Variants in ADGRB3 observed in about 807,000 individuals in gnomAD.
The protein encoded by ADGRB3 is adhesion G protein-coupled receptor B3.
Under a neutral mutation model 193.4 loss-of-function variants are expected in ADGRB3, and 37 were observed. That is an observed-to-expected ratio of 0.19 (90% CI 0.15 to 0.25). The LOEUF (loss-of-function observed/expected upper bound fraction) is 0.25, where lower values mean the gene tolerates loss of function less well. ADGRB3 is among the 10% of genes least tolerant of loss of function. The pLI, the probability that ADGRB3 is intolerant of heterozygous loss-of-function variation, is 1.00. For missense variants in ADGRB3, 1,637 were observed against 1,852.9 expected (o/e 0.88, Z 2.14); for synonymous variants, 690 against 644.2 (o/e 1.07, Z -1.08).
At chr6:68,986,086 AAAGCTATTCC>A (rs1401109803) in intron 10 of ADGRB3, among the ~76,000 whole-genome samples, 2 of 152,170 alleles carry the variant, frequency 1.3e-5, no homozygotes, top group Non-Finnish European at 2.9e-5. Context: ...CTCTGAAATT[AAAGCTATTCC>A]TTGTTTATAT....
intron 17 of ADGRB3, among the ~76,000 whole-genome samples, chr6:69,195,993 C>T (rs1765287028): frequency 6.6e-6 from 1 of 152,096 alleles, no homozygotes; most frequent in Admixed American, 6.6e-5. Flanking sequence ...ACATAAATAT[C>T]ATATCTTAGA....
intron 20 of ADGRB3, among the ~76,000 whole-genome samples, chr6:69,296,844 C>T (rs1205943977): frequency 6.6e-6 from 1 of 152,086 alleles, no homozygotes; most frequent in Non-Finnish European, 1.5e-5. Flanking sequence ...GATCTCATGA[C>T]ATATCTCATT....
intron 3 of ADGRB3, among the ~76,000 whole-genome samples, chr6:68,737,844 C>T (rs1018451673): frequency 4.6e-5 from 7 of 152,108 alleles, no homozygotes; most frequent in African/African-American, 1.7e-4. Flanking sequence ...TACTTCAGGG[C>T]CTAAGAGCAC....
chr6:68,812,823 TAG>T (rs1767540676), intron 3 of ADGRB3, among the ~76,000 whole-genome samples: 9 of 135,076 alleles, frequency 6.7e-5, no homozygotes, highest in African/African-American at 2.5e-4. Context: ...ATCCCTCCCC[TAG>T]CCCCCCAACC....
At position 69,114,445 on chromosome 6, in the gene ADGRB3, C is replaced by A. The variant is rs372956953; in HGVS notation, c.2480+38407C>A. 3.2e-4 allele frequency among the ~76,000 whole-genome samples: 49 copies of A among 152,162 alleles called. 1 individual carries two copies. In the East Asian group the frequency reaches 7.7e-3, roughly 24 times the overall value. The stretch of plus-strand genomic sequence containing the variant: ...ATGGATAGATTGCAAAAATTTTCTC[C>A]CATTCTATAGGCTGCCTGTTCACTC... On this transcript the variant is annotated intron_variant, in intron 17 of 31. Coordinates refer to ENST00000370598, the MANE Select transcript of ADGRB3 (RefSeq NM_001704.3).
At position 69,015,672 on chromosome 6, in the gene ADGRB3, G is replaced by A. The variant is rs7776406; in HGVS notation, c.1998+1566G>A. On this transcript the variant is annotated intron_variant, in intron 12 of 31. Transcript: ENST00000370598. Reference sequence around the variant, plus strand: ...AAATGTAGAACAGACCTCTGTGTACGTTTGGAAAATGAGCTGAGTAAAATG... The same window carrying A: ...AAATGTAGAACAGACCTCTGTGTACATTTGGAAAATGAGCTGAGTAAAATG... Among the ~76,000 whole-genome samples, 501 of 152,014 alleles carry A rather than the reference G, an allele frequency of 3.3e-3. 2 individuals carry two copies. The highest frequency in any genetic ancestry group is 0.012 in the African/African-American group (482 of 41,506).
At chr6:69,199,522 A>T (rs1418631068) in intron 17 of ADGRB3, among the ~76,000 whole-genome samples, 3 of 152,112 alleles carry the variant, frequency 2.0e-5, no homozygotes, top group Admixed American at 6.6e-5. Context: ...ACTAAGAAAA[A>T]ATGTAATTTT....
chr6:69,036,805 G>A (rs550859833), intron 13 of ADGRB3, among the ~76,000 whole-genome samples: 12 of 152,272 alleles, frequency 7.9e-5, no homozygotes, highest in South Asian at 4.1e-4. Flanking sequence ...CCGCAGAGAC[G>A]TACAGAGCCA....
At chr6:69,005,187 A>G (rs1465708957) in intron 11 of ADGRB3, among the ~76,000 whole-genome samples, 1 of 151,592 alleles carries the variant, frequency 6.6e-6, no homozygotes. Flanking sequence ...AACTATTTTT[A>G]CCTTTCATTT....
chr6:69,089,815 A>G (rs1205939991), intron 17 of ADGRB3, among the ~76,000 whole-genome samples: 1 of 152,178 alleles, frequency 6.6e-6, no homozygotes, highest in Non-Finnish European at 1.5e-5. Context: ...GCTTCCACCC[A>G]CTGGATGCCA....
At chr6:69,252,623 G>A (rs1052400180) in intron 20 of ADGRB3, among the ~76,000 whole-genome samples, 1 of 151,836 alleles carries the variant, frequency 6.6e-6, no homozygotes, top group African/African-American at 2.4e-5. Flanking sequence ...ACCTTTTCAT[G>A]TCCTTATAGG....
At chr6:68,879,338 T>G (rs1765674585) in intron 3 of ADGRB3, among the ~76,000 whole-genome samples, 1 of 146,118 alleles carries the variant, frequency 6.8e-6, no homozygotes, top group South Asian at 2.3e-4. Flanking sequence ...TGCGTCAGCC[T>G]CCCCAGTAGC....
At chr6:68,716,579 T>C (rs942423756) in intron 3 of ADGRB3, among the ~76,000 whole-genome samples, 3 of 151,552 alleles carry the variant, frequency 2.0e-5, no homozygotes, top group Admixed American at 6.6e-5. Flanking sequence ...CTAGCATTTC[T>C]TTCCAACTTT....
Position 68,891,008 on chromosome 6 carries a change from C to T in ADGRB3, c.758-39551C>T, listed in dbSNP as rs1461564919. 2.6e-5 allele frequency among the ~76,000 whole-genome samples: 4 copies of T among 152,214 alleles called. No homozygotes were observed. In the East Asian group the frequency reaches 7.7e-4, roughly 29 times the overall value. On this transcript the variant is annotated intron_variant, in intron 3 of 31. Coordinates refer to ENST00000370598, the MANE Select transcript of ADGRB3 (RefSeq NM_001704.3). ...GCTGTTGATAAGGACTTACCTGAGACTGGGAAGAAAAAGAAGTTTAGTGGA... is the reference window on the plus strand; with the variant it reads ...GCTGTTGATAAGGACTTACCTGAGATTGGGAAGAAAAAGAAGTTTAGTGGA...
At chr6:69,108,471 A>G (rs1045998501) in intron 17 of ADGRB3, among the ~76,000 whole-genome samples, 3 of 151,926 alleles carry the variant, frequency 2.0e-5, no homozygotes, top group Non-Finnish European at 4.4e-5. Context: ...CAAAGCGAAC[A>G]TTATATGCAA....
intron 17 of ADGRB3, among the ~76,000 whole-genome samples, chr6:69,130,049 A>G (rs982337352): frequency 7.9e-5 from 12 of 152,110 alleles, no homozygotes; most frequent in Non-Finnish European, 1.2e-4. Flanking sequence ...AACTTGGAAA[A>G]AACAGAAATG....
At chr6:68,934,286 C>CTG (rs1328250117) in intron 4 of ADGRB3, among the ~76,000 whole-genome samples, 1 of 152,116 alleles carries the variant, frequency 6.6e-6, no homozygotes, top group Non-Finnish European at 1.5e-5. Flanking sequence ...AAGACCAATT[C>CTG]TGAGCATTCA....
chr6:69,010,638 C>G (rs1653889434), intron 11 of ADGRB3, among the ~76,000 whole-genome samples: 1 of 151,774 alleles, frequency 6.6e-6, no homozygotes, highest in African/African-American at 2.4e-5. Flanking sequence ...CAACATCTGC[C>G]CATAACCATA....
chr6:69,063,228 A>G (rs889158694), intron 16 of ADGRB3, among the ~76,000 whole-genome samples, 192 bp downstream of exon 16: 3 of 152,006 alleles, frequency 2.0e-5, no homozygotes, highest in African/African-American at 7.2e-5. Context: ...ATTCTCTTCA[A>G]TTTATCCAAA....
Sources: allele counts gnomAD v4.1 joint callset (sites outside exome capture counted in the v4.1 genomes callset), GRCh38; gene constraint gnomAD v4.1.1; transcripts MANE v1.5; gene names NCBI Gene and HGNC (gene_info 2026-07-23, HGNC 2026-07-21).